Variants in BRD3 observed in about 807,000 individuals in gnomAD.
BRD3 encodes bromodomain containing 3, also known as bromodomain-containing protein 3.
In BRD3, 17 loss-of-function variants were observed where a neutral mutation model predicts 66.8. The ratio of observed to expected loss-of-function variants is 0.25; its 90% CI spans 0.17 to 0.38. The LOEUF is 0.38. BRD3 is among the 10% of genes least tolerant of loss of function. The pLI, the probability that BRD3 is intolerant of heterozygous loss-of-function variation, is 1.00. For missense variants in BRD3, 713 were observed against 956.1 expected (o/e 0.75, Z 3.35); for synonymous variants, 421 against 393.2 (o/e 1.07, Z -0.84).
In BRD3 at chr9:134,062,839, C is replaced by A. The variant is rs1564561804; in HGVS notation, c.-114+5106G>T. Among the ~76,000 whole-genome samples, 4 of 152,344 alleles carry A rather than the reference C, an allele frequency of 2.6e-5. No homozygotes were observed. In the South Asian group the frequency reaches 8.3e-4, roughly 32 times the overall value. ...GGAGAGCCACGACTCAGGCAGGGGA[C>A]TCTCTTCAGAGGGGCAGTGAGTGAG... On this transcript the variant is annotated intron_variant, in intron 1 of 11. Coordinates refer to ENST00000303407, the MANE Select transcript of BRD3 (RefSeq NM_007371.4).
At position 134,065,410 on chromosome 9, in the gene BRD3, C is replaced by T. The variant is rs560206405; in HGVS notation, c.-114+2535G>A. On this transcript the variant is annotated intron_variant, in intron 1 of 11. Coordinates refer to ENST00000303407, the MANE Select transcript of BRD3 (RefSeq NM_007371.4). ...CTGCACTCCAGCCTGGGCAACAATG[C>T]GAGACTCCATCTCAAGAGGAGAAGA... Among the ~76,000 whole-genome samples, 7 of 147,560 alleles carry T rather than the reference C, an allele frequency of 4.7e-5. No individual in the cohort carries two copies. The Admixed American group carries it at 4.8e-4, about 10-fold the overall frequency.
chr9:134,045,229 A>C lies in BRD3; in HGVS notation c.1215+64T>G. 4.4e-6 allele frequency: 7 copies of C among 1,594,336 alleles called. No homozygotes were observed. The highest frequency in any genetic ancestry group is 6.0e-6 in the Non-Finnish European group (7 of 1,167,174). ...ACATTCACCTGGGCGCTTACCCCAC[A>C]CTGAGGCCAGGATGCCCACAGCACT... On this transcript the variant is annotated intron_variant, in intron 7 of 11. Transcript: ENST00000303407. This position sits in a 1 kb window ranked among gnomAD's most constrained non-coding sequence, Gnocchi z 4.8.
chr9:134,054,796 G>T (rs1442801269), intron 1 of BRD3, among the ~76,000 whole-genome samples: 2 of 152,100 alleles, frequency 1.3e-5, no homozygotes, highest in African/African-American at 4.8e-5. Flanking sequence ...ACAGCCATGG[G>T]CAAATGCTGC....
intron 1 of BRD3, among the ~76,000 whole-genome samples, chr9:134,056,342 A>G (rs2157770): frequency 0.33 from 50,543 of 152,164 alleles, 8,807 homozygotes; most frequent in East Asian, 0.64. Context: ...GGGGTGCAGT[A>G]TAAAAAGCCC....
At position 134,033,783 on chromosome 9, in the gene BRD3, G is replaced by A. The variant is rs1177297595; in HGVS notation, c.2066-78C>T. ...TTGGCGGCATGTCGTCCATGCCAGC[G>A]TGACACCATCACACTGGGTGCCACG... On this transcript the variant is annotated intron_variant, in intron 11 of 11. Coordinates refer to ENST00000303407, the MANE Select transcript of BRD3 (RefSeq NM_007371.4). This position sits in a 1 kb window ranked among gnomAD's most constrained non-coding sequence, Gnocchi z 5.1. 2.0e-5 allele frequency: 13 copies of A among 660,130 alleles called. No homozygotes were observed. The highest frequency in any genetic ancestry group is 1.8e-4 in the South Asian group (11 of 61,960). 40.9% of individuals were successfully genotyped at this position (660,130 alleles called of 1,614,324 possible).
chr9:134,062,812 C>T (rs182064754), intron 1 of BRD3, among the ~76,000 whole-genome samples: 103 of 152,320 alleles, frequency 6.8e-4, no homozygotes, highest in Non-Finnish European at 1.2e-3. Flanking sequence ...CTGGGAAGGG[C>T]AGGAGAGCCA....
At chr9:134,038,959 G>A (rs1025756663) in intron 9 of BRD3, among the ~76,000 whole-genome samples, 15 of 152,138 alleles carry the variant, frequency 9.9e-5, no homozygotes, top group Non-Finnish European at 1.5e-5. Flanking sequence ...GAGGGAGGGA[G>A]GGAGAAAATA....
At chr9:134,066,465 C>T (rs989182696) in intron 1 of BRD3, among the ~76,000 whole-genome samples, 6 of 152,088 alleles carry the variant, frequency 3.9e-5, no homozygotes, top group Non-Finnish European at 7.4e-5. Context: ...TTCCTTAGAC[C>T]CCGTTGGAAG....
chr9:134,032,977 GA>G lies in BRD3; in HGVS notation c.*612del. On this transcript the variant is annotated 3_prime_UTR_variant, in exon 12 of 12. Coordinates refer to ENST00000303407, the MANE Select transcript of BRD3 (RefSeq NM_007371.4). ...GGAGCTCCTGACATCACCACGAGCGGAGAACGCACATCCCACCCGACCACCC... is the reference window on the plus strand; with the variant it reads ...GGAGCTCCTGACATCACCACGAGCGGGAACGCACATCCCACCCGACCACCC... 1 of 396,124 alleles carries G rather than the reference GA, an allele frequency of 2.5e-6. No homozygotes were observed. Among genetic ancestry groups the G allele is most frequent in the Middle Eastern group, 6.3e-4 (1 of 1,576 alleles). 24.5% of individuals were successfully genotyped at this position (396,124 alleles called of 1,614,324 possible).
At chr9:134,064,144 G>A (rs531010750) in intron 1 of BRD3, among the ~76,000 whole-genome samples, 1 of 152,204 alleles carries the variant, frequency 6.6e-6, no homozygotes, top group African/African-American at 2.4e-5. Flanking sequence ...CACAGGTCCT[G>A]GCTCCACTGC....
rs1481089875 is a variant in BRD3, at chr9:134,031,679, A to G, written c.*1911T>C. ...TCAGAGTTCCCTCTCCAGTAAGGGT[A>G]TACCTACATCTGTAAGGGTCAGTGG... On this transcript the variant is annotated 3_prime_UTR_variant, in exon 12 of 12. Coordinates refer to ENST00000303407, the MANE Select transcript of BRD3 (RefSeq NM_007371.4). 1.9e-5 allele frequency: 4 copies of G among 213,558 alleles called. No individual in the cohort carries two copies. The highest frequency in any genetic ancestry group is 3.8e-5 in the Non-Finnish European group (4 of 105,610). The allele number at this position is 213,558 out of a possible 1,614,324, so 13.2% of individuals were successfully genotyped here. A position where few individuals can be genotyped will look rare whatever the true frequency, so the allele number is the denominator to read the frequency against.
chr9:134,053,488 C>A lies in BRD3; in HGVS notation c.-11G>T. 6.3e-7 allele frequency: 1 copy of A among 1,579,562 alleles called. No individual in the cohort carries two copies. Among genetic ancestry groups the A allele is most frequent in the Non-Finnish European group, 8.6e-7 (1 of 1,165,762 alleles). ...CGTGGCGGTGGACATCCTCCGGCAG[C>A]TCACTCACTTTCTGTCACAGCAGCG... On this transcript the variant is annotated 5_prime_UTR_variant, in exon 2 of 12. Transcript: ENST00000303407.
intron 6 of BRD3, 168 bp downstream of exon 6, chr9:134,047,915 G>T: frequency 2.1e-6 from 2 of 952,306 alleles, no homozygotes; most frequent in Non-Finnish European, 1.5e-6. Context: ...TCCTCGCTGA[G>T]CCTTGCCAGC....
chr9:134,066,389 C>T (rs555300447), intron 1 of BRD3, among the ~76,000 whole-genome samples: 288 of 152,312 alleles, frequency 1.9e-3, no homozygotes, highest in Non-Finnish European at 3.3e-3. Flanking sequence ...ATCAGGGCTG[C>T]CAGGGAAGAA....
chr9:134,032,881 T>C lies in BRD3; in HGVS notation c.*709A>G, dbSNP rs1474514771. ...AAATCTTTTCTTCTTTTTTTTTTTT[T>C]AAAGTTGAGGTAAAAGCTTCAGTGT... On this transcript the variant is annotated 3_prime_UTR_variant, in exon 12 of 12. Coordinates refer to ENST00000303407, the MANE Select transcript of BRD3 (RefSeq NM_007371.4). 3.4e-6 allele frequency: 1 copy of C among 290,460 alleles called. No individual in the cohort carries two copies. Among genetic ancestry groups the C allele is most frequent in the Non-Finnish European group, 6.2e-6 (1 of 161,596 alleles). The allele number at this position is 290,460 out of a possible 1,614,324, so 18.0% of individuals were successfully genotyped here.
chr9:134,046,832 T>C (rs1037476863), intron 6 of BRD3, among the ~76,000 whole-genome samples: 3 of 152,212 alleles, frequency 2.0e-5, no homozygotes, highest in Non-Finnish European at 4.4e-5. Context: ...TTAAAGTGAA[T>C]TGTTTTTCTA....
Position 134,053,492 on chromosome 9 carries a change from C to G in BRD3, c.-15G>C. 6.3e-7 allele frequency: 1 copy of G among 1,576,020 alleles called. No homozygotes were observed. Among genetic ancestry groups the G allele is most frequent in the South Asian group, 1.1e-5 (1 of 88,208 alleles). ...GCGGTGGACATCCTCCGGCAGCTCACTCACTTTCTGTCACAGCAGCGGCTT... is the reference window on the plus strand; with the variant it reads ...GCGGTGGACATCCTCCGGCAGCTCAGTCACTTTCTGTCACAGCAGCGGCTT... On this transcript the variant is annotated 5_prime_UTR_variant, in exon 2 of 12. Transcript: ENST00000303407.
In BRD3 at chr9:134,051,873, G is replaced by T. The variant is rs1246181077; in HGVS notation, c.352-164C>A. Among the ~76,000 whole-genome samples the T allele has an allele frequency of 3.3e-3, 355 of 106,404 alleles. 11 individuals carry two copies. Among genetic ancestry groups the T allele is most frequent in the African/African-American group, 0.016 (329 of 20,568 alleles). 69.8% of individuals were successfully genotyped at this position (106,404 alleles called of 152,430 possible). A position where few individuals can be genotyped will look rare whatever the true frequency, so the allele number is the denominator to read the frequency against. On this transcript the variant is annotated intron_variant, in intron 3 of 11. Transcript: ENST00000303407. ...TGTGTGTGTGTGTGTGTGTGTGTGT[G>T]TGTGTTGTTTTTTTTGTTTTTTTTT...
chr9:134,045,456 G>T lies in BRD3; in HGVS notation c.1087-35C>A, dbSNP rs752054585. ...ACAGTGACAGGGGCCAGTGAGCGTG[G>T]CCCGTGGCATCAGGACTCTCTGCCA... On this transcript the variant is annotated intron_variant, in intron 6 of 11. Coordinates refer to ENST00000303407, the MANE Select transcript of BRD3 (RefSeq NM_007371.4). The surrounding 1 kb of genome is among the most constrained non-coding windows in gnomAD (Gnocchi z 4.8). 1 of 1,612,162 alleles carries T rather than the reference G, an allele frequency of 6.2e-7. No individual in the cohort carries two copies. The highest frequency in any genetic ancestry group is 8.5e-7 in the Non-Finnish European group (1 of 1,179,406).
Sources: gnomAD v4.1 joint callset for allele counts (sites outside exome capture counted in the v4.1 genomes callset) on GRCh38, gnomAD v4.1.1 for gene constraint, Gnocchi (gnomAD v3.1) non-coding constraint, MANE v1.5 for transcripts, NCBI Gene and HGNC (gene_info 2026-07-23, HGNC 2026-07-21) for gene names.